The following TLK1 variants were observed in gnomAD, a reference collection of about 807,000 sequenced individuals.
TLK1 encodes the protein tousled like kinase 1.
A neutral mutation model predicts 105.3 loss-of-function variants in TLK1; 24 were observed. That is an observed-to-expected ratio of 0.23 (90% CI 0.17 to 0.32). The LOEUF (loss-of-function observed/expected upper bound fraction) is 0.32, where lower values mean the gene tolerates loss of function less well. TLK1 is among the 10% of genes least tolerant of loss of function. TLK1 has a pLI of 1.00. For missense variants in TLK1, 558 were observed against 910.5 expected (o/e 0.61, Z 4.98); for synonymous variants, 321 against 310.4 (o/e 1.03, Z -0.36).
intron 1 of TLK1, among the ~76,000 whole-genome samples, chr2:171,140,979 G>A (rs1254792936): frequency 1.3e-5 from 2 of 152,174 alleles, no homozygotes; most frequent in South Asian, 2.1e-4. Context: ...AGAACTCAGT[G>A]TATGAGTCTG....
chr2:171,171,042 T>A (rs1692716217), intron 1 of TLK1, among the ~76,000 whole-genome samples: 1 of 151,844 alleles, frequency 6.6e-6, no homozygotes, highest in South Asian at 2.1e-4. Context: ...AATATGAAAA[T>A]TAAAACAAAT....
intron 14 of TLK1, among the ~76,000 whole-genome samples, chr2:171,008,719 G>A (rs766063934): frequency 6.6e-6 from 1 of 151,956 alleles, no homozygotes; most frequent in African/African-American, 2.4e-5. Flanking sequence ...AATCATGAAA[G>A]GGCTTTAAAG....
At chr2:171,191,159 T>TA (rs60212127) in intron 1 of TLK1, among the ~76,000 whole-genome samples, 89 of 145,448 alleles carry the variant, frequency 6.1e-4, no homozygotes, top group South Asian at 8.8e-4. Flanking sequence ...GACTCCATCT[T>TA]AAAAAAAAAA....
At chr2:171,035,800 G>A (rs551215714) in intron 11 of TLK1, among the ~76,000 whole-genome samples, 25 of 152,212 alleles carry the variant, frequency 1.6e-4, no homozygotes, top group African/African-American at 3.1e-4. Context: ...TTGACTGGCC[G>A]CTGCTGGCTA....
At chr2:171,006,933 A>T (rs1485793323) in intron 15 of TLK1, 39 bp downstream of exon 15, 6 of 1,603,894 alleles carry the variant, frequency 3.7e-6, no homozygotes, top group Non-Finnish European at 5.1e-6. Flanking sequence ...CATTCAAAAA[A>T]TATTCAATTT....
chr2:171,059,754 G>A (rs1200220960), intron 4 of TLK1, among the ~76,000 whole-genome samples: 1 of 152,124 alleles, frequency 6.6e-6, no homozygotes, highest in Non-Finnish European at 1.5e-5. Context: ...GGGATGAAAC[G>A]GTTCCACCTC....
intron 1 of TLK1, among the ~76,000 whole-genome samples, chr2:171,151,264 C>A (rs1692022321): frequency 6.6e-6 from 1 of 151,940 alleles, no homozygotes; most frequent in Admixed American, 6.6e-5. Context: ...AGCCATCTGC[C>A]CACCTCAGCC....
chr2:171,022,102 C>CACACACAG (rs1685550878), intron 12 of TLK1, among the ~76,000 whole-genome samples: 1 of 40,256 alleles, frequency 2.5e-5, no homozygotes, highest in Non-Finnish European at 7.8e-5. Context: ...CACACACACA[C>CACACACAG]ACACACACAC....
chr2:171,023,073 C>T, intron 12 of TLK1: 1 of 471,014 alleles, frequency 2.1e-6, no homozygotes, highest in Non-Finnish European at 4.4e-6. Flanking sequence ...TTTGCAGGTG[C>T]CAATATCGGT....
At chr2:171,098,773 T>C (rs924248894) in intron 2 of TLK1, among the ~76,000 whole-genome samples, 4 of 152,176 alleles carry the variant, frequency 2.6e-5, no homozygotes, top group Non-Finnish European at 4.4e-5. Flanking sequence ...TTATACACTT[T>C]GAGCAAACAG....
At chr2:171,104,405 T>G (rs1251869725) in intron 2 of TLK1, among the ~76,000 whole-genome samples, 1 of 151,338 alleles carries the variant, frequency 6.6e-6, no homozygotes, top group South Asian at 2.1e-4. Flanking sequence ...AGAAAAAAAT[T>G]AAAGAGGACA....
chr2:171,095,478 T>C (rs948863029), intron 2 of TLK1, among the ~76,000 whole-genome samples: 2 of 152,082 alleles, frequency 1.3e-5, no homozygotes, highest in Non-Finnish European at 2.9e-5. Context: ...GAAAATATAA[T>C]GAAAAGTTTT....
intron 3 of TLK1, among the ~76,000 whole-genome samples, chr2:171,073,960 G>A (rs998013825): frequency 7.0e-6 from 1 of 143,130 alleles, no homozygotes; most frequent in Non-Finnish European, 1.5e-5. Flanking sequence ...GTGCAATCTC[G>A]GCTCACTGCA....
chr2:171,001,925 C>A (rs1258033270), intron 18 of TLK1, among the ~76,000 whole-genome samples: 5 of 152,064 alleles, frequency 3.3e-5, no homozygotes, highest in East Asian at 1.9e-4. Flanking sequence ...AGAATACAGG[C>A]ATGCACCACC....
chr2:171,001,789 T>C (rs1283370046), intron 18 of TLK1, among the ~76,000 whole-genome samples: 1 of 152,178 alleles, frequency 6.6e-6, no homozygotes, highest in Non-Finnish European at 1.5e-5. Context: ...CATTCATTCA[T>C]TCATGAATGA....
chr2:171,197,054 T>A (rs1054126498), intron 1 of TLK1, among the ~76,000 whole-genome samples: 2 of 152,032 alleles, frequency 1.3e-5, no homozygotes, highest in Non-Finnish European at 2.9e-5. Flanking sequence ...GAACCCTAAG[T>A]GTGGGGAAAG....
In TLK1 at chr2:171,215,764, G is replaced by A. The variant is rs956238152; in HGVS notation, c.-6+15381C>T. 2.0e-5 allele frequency among the ~76,000 whole-genome samples: 3 copies of A among 152,260 alleles called. No individual in the cohort carries two copies. The South Asian group carries it at 6.2e-4, about 32-fold the overall frequency. Reference sequence around the variant, plus strand: ...CCAAGAAAGGCAATTTAGTAGCATAGGCAGTGAGCAGCTGCCCACTCCTCG... The same window carrying A: ...CCAAGAAAGGCAATTTAGTAGCATAAGCAGTGAGCAGCTGCCCACTCCTCG... On this transcript the variant is annotated intron_variant, in intron 1 of 20. Coordinates refer to the TLK1 transcript ENST00000521943.
rs71399594 is a variant in TLK1, at chr2:171,055,203, C to CAAAAAAAAAAAAA, written c.550-44_550-32dup. The CAAAAAAAAAAAAA allele has an allele frequency of 6.4e-5, 33 of 518,308 alleles. 1 individual carries two copies. Among genetic ancestry groups the CAAAAAAAAAAAAA allele is most frequent in the South Asian group, 3.5e-4 (7 of 19,910 alleles). The allele number at this position is 518,308 out of a possible 1,614,324, so 32.1% of individuals were successfully genotyped here. A position where few individuals can be genotyped will look rare whatever the true frequency, so the allele number is the denominator to read the frequency against. On this transcript the variant is annotated intron_variant, in intron 6 of 20. Transcript: ENST00000431350. ...GAAATTATTAAAATTTTTATATTAG[C>CAAAAAAAAAAAAA]AAAAAAAAAAAAAAAAAACACAAAA...
intron 2 of TLK1, among the ~76,000 whole-genome samples, chr2:171,089,087 G>A (rs1410875939): frequency 6.6e-6 from 1 of 152,168 alleles, no homozygotes; most frequent in Non-Finnish European, 1.5e-5. Flanking sequence ...TCGCCATGTT[G>A]GCCAGGCTGA....
Sources: gnomAD v4.1 joint callset for allele counts (sites outside exome capture counted in the v4.1 genomes callset) on GRCh38, gnomAD v4.1.1 for gene constraint, MANE v1.5 for transcripts, NCBI Gene and HGNC (gene_info 2026-07-23, HGNC 2026-07-21) for gene names.